SUCLG2: variants seen among roughly 807,000 people sequenced by gnomAD.
The protein encoded by SUCLG2 is succinate--CoA ligase [GDP-forming] subunit beta, mitochondrial.
SUCLG2 carries 42 observed loss-of-function variants against 47.9 expected under a neutral mutation model. The observed-to-expected ratio is 0.88, with a 90% CI of 0.69 to 1.14. The LOEUF (loss-of-function observed/expected upper bound fraction) is 1.14, where lower values mean the gene tolerates loss of function less well. Among genes scored for constraint, SUCLG2 ranks in the 50% most tolerant of loss-of-function variants. SUCLG2 has a pLI of 0.00. For synonymous variants in SUCLG2, 195 were observed against 197.3 expected (o/e 0.99, Z 0.10); for missense variants, 571 against 525.9 (o/e 1.09, Z -0.84).
intron 9 of SUCLG2, among the ~76,000 whole-genome samples, chr3:67,459,087 AC>A (rs1177607385): frequency 6.6e-6 from 1 of 152,082 alleles, no homozygotes; most frequent in Non-Finnish European, 1.5e-5. Context: ...TCTTAATTCA[AC>A]CTGCCTCTGA....
chr3:67,388,516 A>G (rs1196776754), intron 10 of SUCLG2, among the ~76,000 whole-genome samples: 1 of 152,194 alleles, frequency 6.6e-6, no homozygotes. Flanking sequence ...ACCTATCCCA[A>G]CATTGTATTG....
intron 9 of SUCLG2, among the ~76,000 whole-genome samples, chr3:67,473,953 T>C (rs1409692598): frequency 6.6e-6 from 1 of 152,130 alleles, no homozygotes; most frequent in Non-Finnish European, 1.5e-5. Context: ...TTGTGGTCAC[T>C]GAGTTTAAAG....
At chr3:67,526,701 C>T (rs1037314409) in intron 4 of SUCLG2, among the ~76,000 whole-genome samples, 1 of 152,134 alleles carries the variant, frequency 6.6e-6, no homozygotes, top group South Asian at 2.1e-4. Context: ...CCACCAAATG[C>T]GGGCTAGAAT....
intron 10 of SUCLG2, among the ~76,000 whole-genome samples, chr3:67,363,126 T>C (rs1162860434): frequency 2.0e-5 from 3 of 152,196 alleles, no homozygotes; most frequent in African/African-American, 7.2e-5. Context: ...TGCAATAAAT[T>C]TGAGCATTTC....
chr3:67,636,734 G>A (rs935659751), intron 1 of SUCLG2, among the ~76,000 whole-genome samples: 2 of 151,884 alleles, frequency 1.3e-5, no homozygotes, highest in Admixed American at 6.6e-5. Context: ...CTGACCTCGT[G>A]ATCTGCCCAC....
At chr3:67,563,807 A>G (rs895061729) in intron 2 of SUCLG2, among the ~76,000 whole-genome samples, 2 of 151,960 alleles carry the variant, frequency 1.3e-5, no homozygotes, top group Non-Finnish European at 2.9e-5. Flanking sequence ...AAAATACAAA[A>G]AAAATTAGCT....
At chr3:67,441,602 C>T (rs770954554) in intron 9 of SUCLG2, among the ~76,000 whole-genome samples, 12 of 152,150 alleles carry the variant, frequency 7.9e-5, no homozygotes, top group African/African-American at 1.4e-4. Context: ...TTCCAACCCT[C>T]AAAAACTGGG....
chr3:67,623,420 G>A (rs925455504), intron 1 of SUCLG2, among the ~76,000 whole-genome samples: 10 of 152,284 alleles, frequency 6.6e-5, no homozygotes, highest in South Asian at 4.1e-4. Flanking sequence ...AGAATGGCGC[G>A]AACCCGAGAG....
At position 67,627,306 on chromosome 3, in the gene SUCLG2, C is replaced by T. The variant is rs377366804; in HGVS notation, c.85-17710G>A. The stretch of plus-strand genomic sequence containing the variant: ...TTACTCCTTTGGGAAATGCCATAGA[C>T]TGCAAAACAGGACAAAGTACACAAC... On this transcript the variant is annotated intron_variant, in intron 1 of 10. Transcript: ENST00000307227. 5.3e-5 allele frequency among the ~76,000 whole-genome samples: 8 copies of T among 152,270 alleles called. No homozygotes were observed. In the East Asian group the frequency reaches 1.2e-3, roughly 22 times the overall value.
chr3:67,521,845 G>GGGCCAGGCC (rs1448061902), intron 4 of SUCLG2, among the ~76,000 whole-genome samples: 1 of 151,766 alleles, frequency 6.6e-6, no homozygotes, highest in Non-Finnish European at 1.5e-5. Flanking sequence ...GTCTTGAACT[G>GGGCCAGGCC]CTGACTTCAA....
intron 10 of SUCLG2, chr3:67,376,293 C>T (rs778678952): frequency 2.0e-5 from 20 of 985,276 alleles, no homozygotes; most frequent in East Asian, 1.1e-4. Context: ...GAGACTCTGG[C>T]GCATCCAGCA....
intron 2 of SUCLG2, among the ~76,000 whole-genome samples, chr3:67,599,734 A>C (rs1708376252): frequency 6.7e-6 from 1 of 148,212 alleles, no homozygotes; most frequent in African/African-American, 2.5e-5. Context: ...AAAAAAAAAA[A>C]CTCTAATACT....
At chr3:67,603,794 A>G (rs998463904) in intron 2 of SUCLG2, among the ~76,000 whole-genome samples, 2 of 152,268 alleles carry the variant, frequency 1.3e-5, no homozygotes, top group African/African-American at 4.8e-5. Flanking sequence ...ATTTCCAGTT[A>G]TATGAGAGAC....
At chr3:67,587,910 A>G (rs757029826) in intron 2 of SUCLG2, among the ~76,000 whole-genome samples, 29 of 152,216 alleles carry the variant, frequency 1.9e-4, no homozygotes, top group Non-Finnish European at 3.5e-4. Flanking sequence ...ATATTTTCCT[A>G]CTACTTTGTT....
At chr3:67,423,420 A>C (rs571238421) in intron 9 of SUCLG2, among the ~76,000 whole-genome samples, 1 of 152,262 alleles carries the variant, frequency 6.6e-6, no homozygotes, top group South Asian at 2.1e-4. Context: ...CCTAGGAATA[A>C]TTTTATGCAT....
chr3:67,539,413 T>C (rs1233517782), intron 2 of SUCLG2, among the ~76,000 whole-genome samples: 5 of 152,214 alleles, frequency 3.3e-5, no homozygotes, highest in Non-Finnish European at 5.9e-5. Flanking sequence ...TGAAGCCTAC[T>C]TCATCGTGGT....
At chr3:67,465,211 T>G (rs578169026) in intron 9 of SUCLG2, among the ~76,000 whole-genome samples, 2 of 152,166 alleles carry the variant, frequency 1.3e-5, no homozygotes, top group Non-Finnish European at 1.5e-5. Context: ...AAGATTTCAT[T>G]GTTCTGGTGC....
intron 1 of SUCLG2, among the ~76,000 whole-genome samples, chr3:67,636,086 T>A (rs538845789): frequency 2.6e-4 from 40 of 152,268 alleles, no homozygotes; most frequent in Admixed American, 7.2e-4. Context: ...CACTAACTCA[T>A]GAACAGGGAC....
chr3:67,533,479 T>C (rs897195237), intron 2 of SUCLG2, among the ~76,000 whole-genome samples: 19 of 152,192 alleles, frequency 1.2e-4, no homozygotes, highest in Non-Finnish European at 4.4e-5. Context: ...TCACCTTCCC[T>C]GAGAGTTGAT....
Sources: gnomAD v4.1 joint callset for allele counts (sites outside exome capture counted in the v4.1 genomes callset) on GRCh38, gnomAD v4.1.1 for gene constraint, MANE v1.5 for transcripts, NCBI Gene and HGNC (gene_info 2026-07-23, HGNC 2026-07-21) for gene names.